PLCB1: variants seen among roughly 807,000 people sequenced by gnomAD.
PLCB1 encodes 1-phosphatidylinositol 4,5-bisphosphate phosphodiesterase beta-1.
PLCB1 carries 46 observed loss-of-function variants against 161.8 expected under a neutral mutation model. The observed-to-expected ratio is 0.28, with a 90% CI of 0.22 to 0.36. PLCB1 has a LOEUF of 0.36. Among genes scored for constraint, PLCB1 ranks in the 10% least tolerant of loss-of-function variants. PLCB1 has a pLI of 1.00. For missense variants in PLCB1, 1,016 were observed against 1,472.5 expected (o/e 0.69, Z 5.07); for synonymous variants, 517 against 503.7 (o/e 1.03, Z -0.35).
chr20:8,253,673 C>G (rs981106419), intron 2 of PLCB1, among the ~76,000 whole-genome samples: 11 of 151,744 alleles, frequency 7.2e-5, no homozygotes, highest in Non-Finnish European at 1.2e-4. Context: ...GGTTTGTTAC[C>G]TGGGAATATT....
chr20:8,826,151 T>C (rs536642618), intron 31 of PLCB1, among the ~76,000 whole-genome samples: 2 of 152,094 alleles, frequency 1.3e-5, no homozygotes, highest in South Asian at 4.2e-4. Context: ...AAAAGATTTG[T>C]GAGTCATACA....
chr20:8,392,713 C>T (rs1479090231), intron 3 of PLCB1, among the ~76,000 whole-genome samples: 5 of 152,130 alleles, frequency 3.3e-5, no homozygotes, highest in Non-Finnish European at 7.4e-5. Flanking sequence ...GTGGAAGGAA[C>T]TTAGGAATGT....
In PLCB1 at chr20:8,838,901, T is replaced by G. The variant is rs893135052; in HGVS notation, c.3424-42721T>G. On this transcript the variant is annotated intron_variant, in intron 31 of 31. Transcript: ENST00000338037. ...GCAGTTATTGATCTGGCAAATGCCT[T>G]TATTTCCATCCTTGTCAATAAGGCT... Among the ~76,000 whole-genome samples the G allele has an allele frequency of 1.6e-4, 25 of 152,356 alleles. 1 individual carries two copies. Among genetic ancestry groups the G allele is most frequent in the African/African-American group, 5.5e-4 (23 of 41,588 alleles).
At chr20:8,482,057 TTCTC>T (rs1982520739) in intron 3 of PLCB1, among the ~76,000 whole-genome samples, 1 of 151,942 alleles carries the variant, frequency 6.6e-6, no homozygotes, top group Non-Finnish European at 1.5e-5. Flanking sequence ...AAACATATGT[TTCTC>T]TATAGTTCAA....
At chr20:8,470,932 G>A (rs1383150478) in intron 3 of PLCB1, among the ~76,000 whole-genome samples, 2 of 151,540 alleles carry the variant, frequency 1.3e-5, no homozygotes, top group Non-Finnish European at 2.9e-5. Context: ...AGTAGCTATT[G>A]GTAGAAAGTG....
intron 4 of PLCB1, among the ~76,000 whole-genome samples, chr20:8,631,263 C>T (rs1247540473): frequency 1.3e-5 from 2 of 152,208 alleles, no homozygotes; most frequent in African/African-American, 4.8e-5. Context: ...AGGCACCACA[C>T]TTTGACAATC....
chr20:8,530,221 T>G (rs1984749904), intron 3 of PLCB1, among the ~76,000 whole-genome samples: 1 of 152,150 alleles, frequency 6.6e-6, no homozygotes, highest in Non-Finnish European at 1.5e-5. Context: ...TATTGACTCA[T>G]AAAGCATCTC....
chr20:8,875,433 A>G (rs1212438858), intron 31 of PLCB1, among the ~76,000 whole-genome samples: 2 of 146,942 alleles, frequency 1.4e-5, no homozygotes, highest in Admixed American at 6.8e-5. Context: ...ACATAATATA[A>G]ATATTAATAT....
chr20:8,406,292 T>C (rs889066027), intron 3 of PLCB1, among the ~76,000 whole-genome samples: 2 of 152,230 alleles, frequency 1.3e-5, no homozygotes, highest in Non-Finnish European at 1.5e-5. Context: ...TAAACTTTAC[T>C]GGATGTAATG....
chr20:8,849,075 A>G (rs1302193308), intron 31 of PLCB1, among the ~76,000 whole-genome samples: 3 of 152,202 alleles, frequency 2.0e-5, no homozygotes, highest in Non-Finnish European at 4.4e-5. Flanking sequence ...AGAGAGGGAA[A>G]TTTAGGCTGA....
intron 2 of PLCB1, among the ~76,000 whole-genome samples, chr20:8,188,001 C>T (rs981563526): frequency 4.6e-5 from 7 of 152,084 alleles, no homozygotes; most frequent in African/African-American, 1.7e-4. Flanking sequence ...TGGTTGTTAT[C>T]TCTAGCTCTC....
At chr20:8,416,731 G>A (rs1004400667) in intron 3 of PLCB1, among the ~76,000 whole-genome samples, 15 of 152,192 alleles carry the variant, frequency 9.9e-5, no homozygotes, top group Admixed American at 3.9e-4. Flanking sequence ...GTTTTGAAAT[G>A]TGAGGGTTTT....
chr20:8,470,668 C>T (rs1982013013), intron 3 of PLCB1, among the ~76,000 whole-genome samples: 1 of 152,142 alleles, frequency 6.6e-6, no homozygotes, highest in South Asian at 2.1e-4. Flanking sequence ...CCTCAGCCTC[C>T]CAAGTAGCTG....
chr20:8,861,302 G>A (rs1215265126), intron 31 of PLCB1, among the ~76,000 whole-genome samples: 3 of 152,372 alleles, frequency 2.0e-5, no homozygotes, highest in Admixed American at 6.5e-5. Context: ...CACAGGAAAT[G>A]TTAGTAAAGA....
chr20:8,754,511 G>A (rs562439696), intron 23 of PLCB1, among the ~76,000 whole-genome samples: 2 of 151,992 alleles, frequency 1.3e-5, no homozygotes, highest in African/African-American at 4.8e-5. Context: ...GCTAATTTTA[G>A]TGAGCTGTCA....
chr20:8,640,120 T>C (rs1988899077), intron 4 of PLCB1, among the ~76,000 whole-genome samples: 1 of 152,228 alleles, frequency 6.6e-6, no homozygotes, highest in Non-Finnish European at 1.5e-5. Flanking sequence ...ATTAAGGTAA[T>C]TTAAAACAAA....
chr20:8,690,242 T>G (rs750146847), intron 10 of PLCB1, among the ~76,000 whole-genome samples: 1 of 151,890 alleles, frequency 6.6e-6, no homozygotes, highest in Non-Finnish European at 1.5e-5. Context: ...AACTGGGTTC[T>G]TCTTGCCTGC....
chr20:8,537,967 A>G (rs1379874602), intron 3 of PLCB1, among the ~76,000 whole-genome samples: 1 of 152,204 alleles, frequency 6.6e-6, no homozygotes, highest in African/African-American at 2.4e-5. Context: ...TAGAACAACT[A>G]AGGAAGTAAA....
intron 24 of PLCB1, 100 bp downstream of exon 24, chr20:8,757,278 T>G: frequency 1.6e-6 from 2 of 1,255,088 alleles, no homozygotes; most frequent in Non-Finnish European, 2.2e-6. Flanking sequence ...AAGCATCAAG[T>G]GGGGAAAGAT....
Sources: gnomAD v4.1 joint callset for allele counts (sites outside exome capture counted in the v4.1 genomes callset) on GRCh38, gnomAD v4.1.1 for gene constraint, MANE v1.5 for transcripts, NCBI Gene and HGNC (gene_info 2026-07-23, HGNC 2026-07-21) for gene names.